The following NELL1 variants were observed in gnomAD, a reference collection of about 807,000 sequenced individuals.
NELL1 encodes the protein protein kinase C-binding protein NELL1.
In NELL1, 76 loss-of-function variants were observed where a neutral mutation model predicts 107.4. The observed-to-expected ratio is 0.71, with a 90% CI of 0.59 to 0.86. The LOEUF (loss-of-function observed/expected upper bound fraction) is 0.86, where lower values mean the gene tolerates loss of function less well. NELL1 is among the 40% of genes least tolerant of loss of function. NELL1 has a pLI of 0.00. For synonymous variants in NELL1, 353 were observed against 341.2 expected (o/e 1.03, Z -0.38); for missense variants, 1,024 against 1,005.5 (o/e 1.02, Z -0.25).
At chr11:21,338,903 A>G (rs1850498718) in intron 14 of NELL1, among the ~76,000 whole-genome samples, 1 of 152,158 alleles carries the variant, frequency 6.6e-6, no homozygotes, top group African/African-American at 2.4e-5. Flanking sequence ...ATTTGTGTGT[A>G]TTTGGTTCTA....
intron 5 of NELL1, among the ~76,000 whole-genome samples, chr11:20,905,590 A>G (rs1322754225): frequency 1.3e-5 from 2 of 152,292 alleles, no homozygotes; most frequent in South Asian, 2.1e-4. Context: ...GATATAAATT[A>G]TAAAAAGGAA....
chr11:21,176,116 G>T (rs988489895), intron 13 of NELL1, among the ~76,000 whole-genome samples: 1 of 151,672 alleles, frequency 6.6e-6, no homozygotes, highest in East Asian at 1.9e-4. Context: ...TTCTTCATGC[G>T]TTGCTGTGAG....
At chr11:21,140,356 A>T (rs1855839013) in intron 13 of NELL1, among the ~76,000 whole-genome samples, 1 of 152,240 alleles carries the variant, frequency 6.6e-6, no homozygotes, top group South Asian at 2.1e-4. Flanking sequence ...GTATATTACA[A>T]TCATGTGCTG....
intron 14 of NELL1, among the ~76,000 whole-genome samples, chr11:21,314,029 G>A (rs114536841): frequency 0.014 from 1,347 of 96,614 alleles, 35 homozygotes; most frequent in African/African-American, 0.053. Flanking sequence ...ACTTGCTCCT[G>A]CTTTTGCCAT....
chr11:21,509,521 C>G (rs1564931572), intron 15 of NELL1, among the ~76,000 whole-genome samples: 1 of 151,930 alleles, frequency 6.6e-6, no homozygotes, highest in African/African-American at 2.4e-5. Flanking sequence ...ATTAGGCTTA[C>G]TTTTTTTCAA....
chr11:21,369,282 G>A (rs1196486281), intron 14 of NELL1, among the ~76,000 whole-genome samples: 1 of 151,500 alleles, frequency 6.6e-6, no homozygotes, highest in Admixed American at 6.6e-5. Context: ...TAATTTTTGG[G>A]ACAAGAGATT....
chr11:21,099,147 G>A (rs914552917), intron 12 of NELL1, among the ~76,000 whole-genome samples: 22 of 149,078 alleles, frequency 1.5e-4, no homozygotes, highest in African/African-American at 5.2e-4. Context: ...TTTAAACTTA[G>A]GAGTTTTAAT....
chr11:21,209,242 T>C (rs1489770785), intron 13 of NELL1, among the ~76,000 whole-genome samples: 1 of 151,654 alleles, frequency 6.6e-6, no homozygotes, highest in Non-Finnish European at 1.5e-5. Flanking sequence ...TTTTACATTC[T>C]AGGAACCATC....
intron 2 of NELL1, among the ~76,000 whole-genome samples, chr11:20,717,778 C>A (rs74954696): frequency 0.034 from 5,182 of 152,112 alleles, 300 homozygotes; most frequent in African/African-American, 0.12. Context: ...TTTTTGGTCT[C>A]CTTTAATTTT....
At chr11:21,162,782 T>C (rs1453632415) in intron 13 of NELL1, among the ~76,000 whole-genome samples, 3 of 152,196 alleles carry the variant, frequency 2.0e-5, no homozygotes, top group African/African-American at 7.2e-5. Context: ...ACCTTTTGCA[T>C]ACTATGGACA....
intron 12 of NELL1, among the ~76,000 whole-genome samples, chr11:21,053,785 G>A (rs10833447): frequency 0.12 from 18,550 of 152,148 alleles, 1,537 homozygotes; most frequent in East Asian, 0.34. Context: ...TGGCAAAATT[G>A]CTTTTCTTTG....
intron 5 of NELL1, among the ~76,000 whole-genome samples, chr11:20,907,016 C>A (rs1346307093): frequency 6.6e-6 from 1 of 151,888 alleles, no homozygotes; most frequent in African/African-American, 2.4e-5. Context: ...TAAGTAAATG[C>A]ATTCAAATTG....
At chr11:21,234,017 C>A (rs573529605) in intron 14 of NELL1, among the ~76,000 whole-genome samples, 1 of 152,306 alleles carries the variant, frequency 6.6e-6, no homozygotes, top group South Asian at 2.1e-4. Context: ...TTAACAAATT[C>A]TTCCAACCCA....
intron 15 of NELL1, among the ~76,000 whole-genome samples, chr11:21,376,104 A>T (rs1565194605): frequency 6.6e-6 from 1 of 152,050 alleles, no homozygotes; most frequent in East Asian, 1.9e-4. Context: ...ATGAAGAGTT[A>T]GGCATAAATT....
rs113505712 is a variant in NELL1, at chr11:20,678,652, G to T, written c.184+592G>T. On this transcript the variant is annotated intron_variant, in intron 2 of 19. Coordinates refer to ENST00000357134, the MANE Select transcript of NELL1 (RefSeq NM_006157.5). ...GCATCAGCAGATTTGGTACTTAGTG[G>T]GGGCTGGCTCTGTCTGCTTCCAAGA... Among the ~76,000 whole-genome samples, 725 of 152,322 alleles carry T rather than the reference G, an allele frequency of 4.8e-3. 1 individual carries two copies. The highest frequency in any genetic ancestry group is 7.5e-3 in the Non-Finnish European group (508 of 68,032).
chr11:20,780,187 A>C (rs1856826226), intron 2 of NELL1, among the ~76,000 whole-genome samples: 1 of 152,134 alleles, frequency 6.6e-6, no homozygotes, highest in Non-Finnish European at 1.5e-5. Context: ...CAACATAAGA[A>C]ATGTTTCATT....
chr11:21,098,974 T>TATA (rs1442585474), intron 12 of NELL1, among the ~76,000 whole-genome samples: 2 of 151,946 alleles, frequency 1.3e-5, no homozygotes, highest in African/African-American at 4.8e-5. Context: ...TTATTATTAT[T>TATA]ATATTTGTGT....
chr11:20,878,635 A>G (rs1849352111), intron 4 of NELL1, among the ~76,000 whole-genome samples: 1 of 152,176 alleles, frequency 6.6e-6, no homozygotes, highest in Non-Finnish European at 1.5e-5. Context: ...ACTCATCTTT[A>G]TTGACTTCAT....
chr11:21,561,769 C>CAACTAGA, intron 17 of NELL1, among the ~76,000 whole-genome samples: 1 of 152,146 alleles, frequency 6.6e-6, no homozygotes, highest in East Asian at 1.9e-4. Flanking sequence ...ATTCCATGTA[C>CAACTAGA]TTCCTTGTAT....
Sources: gnomAD v4.1 joint callset for allele counts (sites outside exome capture counted in the v4.1 genomes callset) on GRCh38, gnomAD v4.1.1 for gene constraint, MANE v1.5 for transcripts, NCBI Gene and HGNC (gene_info 2026-07-23, HGNC 2026-07-21) for gene names.